KCNN3: variants seen among roughly 807,000 people sequenced by gnomAD.
KCNN3 encodes small conductance calcium-activated potassium channel protein 3.
A neutral mutation model predicts 62.9 loss-of-function variants in KCNN3; 16 were observed. The ratio of observed to expected loss-of-function variants is 0.25; its 90% confidence interval spans 0.17 to 0.39. The LOEUF (loss-of-function observed/expected upper bound fraction) is 0.39. Among genes scored for constraint, KCNN3 ranks in the 10% least tolerant of loss-of-function variants. The probability of loss-of-function intolerance (pLI) is 1.00; values close to 1 mark genes in which losing one functional copy is unlikely to be tolerated. For synonymous variants in KCNN3, 370 were observed against 389.2 expected (o/e 0.95, Z 0.58); for missense variants, 599 against 949.4 (o/e 0.63, Z 4.85).
At position 154,713,617 on chromosome 1, in the gene KCNN3, TG is replaced by T. The variant is rs1056169860; in HGVS notation, c.1830-85del. On this transcript the variant is annotated intron_variant, in intron 6 of 7. Coordinates refer to ENST00000271915, the MANE Select transcript of KCNN3 (RefSeq NM_002249.6). ...CCAGCAGATCCTCCAGCCCTACCACTGCCTCTGATTTTGGAACCCAGCATGG... is the reference window on the plus strand; with the variant it reads ...CCAGCAGATCCTCCAGCCCTACCACTCCTCTGATTTTGGAACCCAGCATGG... 6 of 1,141,914 alleles carry T rather than the reference TG, an allele frequency of 5.3e-6. No individual in the cohort carries two copies. In the African/African-American group the frequency reaches 9.1e-5, roughly 17 times the overall value. The allele number at this position is 1,141,914 out of a possible 1,614,324, so 70.7% of individuals were successfully genotyped here.
intron 6 of KCNN3, among the ~76,000 whole-genome samples, chr1:154,714,250 G>A (rs918493503): frequency 3.4e-4 from 29 of 84,106 alleles, no homozygotes; most frequent in South Asian, 9.5e-4. Flanking sequence ...GGTGTGTATG[G>A]TGTGTGTGAT....
At chr1:154,749,922 G>T (rs916411850) in intron 3 of KCNN3, among the ~76,000 whole-genome samples, 22 of 152,292 alleles carry the variant, frequency 1.4e-4, no homozygotes, top group Admixed American at 1.2e-3. Context: ...CTGACCTCTC[G>T]CCTCTTTCCA....
chr1:154,856,670 A>T (rs1652546369), intron 1 of KCNN3, among the ~76,000 whole-genome samples: 1 of 152,026 alleles, frequency 6.6e-6, no homozygotes, highest in Non-Finnish European at 1.5e-5. Flanking sequence ...GCAATATCTC[A>T]TTAACTCTCA....
chr1:154,776,219 G>A (rs534736579), intron 2 of KCNN3, among the ~76,000 whole-genome samples: 2 of 152,320 alleles, frequency 1.3e-5, no homozygotes, highest in African/African-American at 2.4e-5. Context: ...ATCTCAGGCC[G>A]TGCGTGACTT....
chr1:154,865,839 GAA>G (rs953724806), intron 1 of KCNN3, among the ~76,000 whole-genome samples: 1 of 151,462 alleles, frequency 6.6e-6, no homozygotes, highest in Non-Finnish European at 1.5e-5. Flanking sequence ...ATCACCTGGG[GAA>G]AAAAAAAGTT....
chr1:154,853,113 C>T (rs2101925101), intron 1 of KCNN3, among the ~76,000 whole-genome samples: 1 of 152,176 alleles, frequency 6.6e-6, no homozygotes, highest in East Asian at 1.9e-4. Flanking sequence ...CCCCAGCCAC[C>T]CAAGTAGCTA....
intron 1 of KCNN3, among the ~76,000 whole-genome samples, chr1:154,852,126 A>G (rs955060185): frequency 6.6e-6 from 1 of 152,260 alleles, no homozygotes; most frequent in Non-Finnish European, 1.5e-5. Flanking sequence ...CATTTCATTT[A>G]AAATTAAATA....
At chr1:154,826,344 T>G (rs1651131093) in intron 1 of KCNN3, among the ~76,000 whole-genome samples, 1 of 152,232 alleles carries the variant, frequency 6.6e-6, no homozygotes, top group African/African-American at 2.4e-5. Flanking sequence ...TTCTCATTGA[T>G]GACAATAATC....
chr1:154,764,210 T>G (rs991839431), intron 3 of KCNN3, among the ~76,000 whole-genome samples: 4 of 152,238 alleles, frequency 2.6e-5, no homozygotes, highest in Non-Finnish European at 5.9e-5. Context: ...ATTTTAAGTT[T>G]GTTTTTCTCT....
At chr1:154,774,031 G>A (rs747872309) in intron 2 of KCNN3, among the ~76,000 whole-genome samples, 1 of 152,106 alleles carries the variant, frequency 6.6e-6, no homozygotes, top group Non-Finnish European at 1.5e-5. Context: ...GCAAATTACC[G>A]AACCACCCTG....
intron 2 of KCNN3, among the ~76,000 whole-genome samples, chr1:154,780,194 C>CTTTTT (rs71077969): frequency 4.9e-5 from 5 of 102,062 alleles, no homozygotes; most frequent in Non-Finnish European, 7.4e-5. Context: ...TTCTTTTTTT[C>CTTTTT]TTTTTTTTTT....
intron 1 of KCNN3, among the ~76,000 whole-genome samples, chr1:154,845,512 C>A (rs1000049926): frequency 3.9e-5 from 6 of 152,178 alleles, no homozygotes; most frequent in African/African-American, 1.4e-4. Context: ...TTTCTCACTG[C>A]GGGGGCCCCA....
At chr1:154,817,825 TAGA>T (rs1650728336) in intron 2 of KCNN3, among the ~76,000 whole-genome samples, 1 of 152,194 alleles carries the variant, frequency 6.6e-6, no homozygotes. Context: ...GCTCTGCACC[TAGA>T]AGAACATTAT....
chr1:154,739,082 T>A (rs1700774108), intron 3 of KCNN3, among the ~76,000 whole-genome samples: 1 of 152,168 alleles, frequency 6.6e-6, no homozygotes, highest in Non-Finnish European at 1.5e-5. Context: ...TACACACATA[T>A]TACTTACAGA....
At chr1:154,748,322 C>G (rs1160471169) in intron 3 of KCNN3, among the ~76,000 whole-genome samples, 7 of 152,170 alleles carry the variant, frequency 4.6e-5, no homozygotes, top group Admixed American at 1.3e-4. Context: ...CCTGGTTGAG[C>G]CTTTCCCGAC....
intron 3 of KCNN3, among the ~76,000 whole-genome samples, chr1:154,760,068 A>C (rs1571247714): frequency 6.6e-6 from 1 of 150,932 alleles, no homozygotes; most frequent in Non-Finnish European, 1.5e-5. Flanking sequence ...GCTGGAGTGC[A>C]ATGGTGCGAT....
rs147596345 is a variant in KCNN3, at chr1:154,761,391, C to T, written c.1448+10584G>A. ...GGTGAGGCATGAGAATAGTTTGAACCCAGGAGGCAGAGGTTGCAGTGAGCC... is the reference window on the plus strand; with the variant it reads ...GGTGAGGCATGAGAATAGTTTGAACTCAGGAGGCAGAGGTTGCAGTGAGCC... On this transcript the variant is annotated intron_variant, in intron 3 of 7. Transcript: ENST00000271915. Among the ~76,000 whole-genome samples the T allele has an allele frequency of 4.6e-4, 70 of 152,088 alleles. No individual in the cohort carries two copies. The East Asian group carries it at 0.01, about 22-fold the overall frequency.
intron 3 of KCNN3, among the ~76,000 whole-genome samples, chr1:154,768,709 G>A (rs1012872085): frequency 2.6e-5 from 4 of 152,310 alleles, no homozygotes; most frequent in Non-Finnish European, 2.9e-5. Flanking sequence ...AGGAGAGCCC[G>A]GGTCCTGGAG....
chr1:154,773,049 A>G (rs1648639218), intron 2 of KCNN3, among the ~76,000 whole-genome samples: 1 of 152,102 alleles, frequency 6.6e-6, no homozygotes, highest in Non-Finnish European at 1.5e-5. Context: ...GTACATGTGC[A>G]AGTTTGCTAT....
Sources: gnomAD v4.1 joint callset for allele counts (sites outside exome capture counted in the v4.1 genomes callset) on GRCh38, gnomAD v4.1.1 for gene constraint, MANE v1.5 for transcripts, NCBI Gene and HGNC (gene_info 2026-07-23, HGNC 2026-07-21) for gene names.